ARF4: variants seen among roughly 807,000 people sequenced by gnomAD.
The protein encoded by ARF4 is ARF GTPase 4, also known as ADP-ribosylation factor 4.
Under a neutral mutation model 24.3 loss-of-function variants are expected in ARF4, and 5 were observed. The observed-to-expected ratio is 0.21, with a 90% CI of 0.11 to 0.43. ARF4 has a LOEUF of 0.43. Among genes scored for constraint, ARF4 ranks in the 20% least tolerant of loss-of-function variants. The pLI, the probability that ARF4 is intolerant of heterozygous loss-of-function variation, is 1.00. For synonymous variants in ARF4, 62 were observed against 73.5 expected (o/e 0.84, Z 0.80); for missense variants, 107 against 213.0 (o/e 0.50, Z 3.10).
intron 5 of ARF4, among the ~76,000 whole-genome samples, chr3:57,575,132 G>A (rs531865073): frequency 6.7e-6 from 1 of 149,150 alleles, no homozygotes; most frequent in Non-Finnish European, 1.5e-5. Flanking sequence ...TTACAGGCAT[G>A]AGCCACCGCA....
At chr3:57,586,128 C>T (rs1475336424) in intron 1 of ARF4, among the ~76,000 whole-genome samples, 2 of 152,168 alleles carry the variant, frequency 1.3e-5, no homozygotes, top group Non-Finnish European at 1.5e-5. Flanking sequence ...CCTGAATATT[C>T]TGCAGTGTTT....
intron 3 of ARF4, among the ~76,000 whole-genome samples, chr3:57,579,789 A>C (rs568673876): frequency 6.6e-6 from 1 of 152,218 alleles, no homozygotes; most frequent in South Asian, 2.1e-4. Context: ...CACCTGGAAA[A>C]CCATCACTTT....
In ARF4 at chr3:57,584,472, A is replaced by G. The variant is rs1330555866; in HGVS notation, c.68-8T>C. 6.2e-7 allele frequency: 1 copy of G among 1,608,200 alleles called. No individual in the cohort carries two copies. Among genetic ancestry groups the G allele is most frequent in the South Asian group, 1.1e-5 (1 of 90,606 alleles). The stretch of plus-strand genomic sequence containing the variant: ...CAGCAGCATCCAATCCAACTAGAAG[A>G]AGACATTATAGATTTAAAATCCAGA... On this transcript the variant is annotated splice_region_variant and splice_polypyrimidine_tract_variant and intron_variant, in intron 1 of 5. Coordinates refer to ENST00000303436, the MANE Select transcript of ARF4 (RefSeq NM_001660.4).
chr3:57,584,363 G>C (rs373000414), intron 2 of ARF4, 21 bp downstream of exon 2: 208 of 1,551,634 alleles, frequency 1.3e-4, no homozygotes, highest in Non-Finnish European at 1.7e-4. Context: ...ATGATATAAA[G>C]TCATCTGTAA....
Position 57,577,383 on chromosome 3 carries a change from A to G in ARF4, c.263T>C (p.Leu88Pro), listed in dbSNP as rs1283496925. Residue 88 changes from leucine to proline, a missense_variant, in exon 4 of 6, where the codon CTT becomes CCT. Coordinates refer to ENST00000303436, the MANE Select transcript of ARF4 (RefSeq NM_001660.4). Reference sequence around the variant, plus strand: ...ATCGTTGCTATCTACCACAAAAATAAGACCCTGGGGAAAAATTGTTTCAGT... The same window carrying G: ...ATCGTTGCTATCTACCACAAAAATAGGACCCTGGGGAAAAATTGTTTCAGT... ...WKHYFQNTQG[L>P]IFVVDSNDRE... 1 of 1,607,996 alleles carries G rather than the reference A, an allele frequency of 6.2e-7. No individual in the cohort carries two copies. The highest frequency in any genetic ancestry group is 1.3e-5 in the African/African-American group (1 of 74,746).
intron 5 of ARF4, among the ~76,000 whole-genome samples, chr3:57,575,112 A>C (rs2069887946): frequency 6.7e-6 from 1 of 150,292 alleles, no homozygotes; most frequent in African/African-American, 2.4e-5. Flanking sequence ...GGCCTCCCAA[A>C]GTGTTGGGAT....
At chr3:57,579,744 T>TAA (rs1375669281) in intron 3 of ARF4, among the ~76,000 whole-genome samples, 1 of 152,174 alleles carries the variant, frequency 6.6e-6, no homozygotes, top group Non-Finnish European at 1.5e-5. Flanking sequence ...AACCATAACT[T>TAA]AATTTTTAAA....
rs73834709 is a variant in ARF4 at position 57,588,091 on chromosome 3, G to A, written c.68-3627C>T. Among the ~76,000 whole-genome samples the A allele has an allele frequency of 1.5e-3, 227 of 152,234 alleles. 2 individuals are homozygous for A. Among genetic ancestry groups the A allele is most frequent in the African/African-American group, 5.3e-3 (221 of 41,546 alleles). ...TGGCAATGAAATTTCTCCACAAAAT[G>A]AAAACTATTACCAATTTTCAACTAG... is the stretch of plus-strand genomic sequence containing the variant. On this transcript the variant is annotated intron_variant, in intron 1 of 5. Transcript: ENST00000303436.
At chr3:57,577,182 A>T (rs1490887636) in intron 4 of ARF4, 134 bp downstream of exon 4, 4 of 728,672 alleles carry the variant, frequency 5.5e-6, no homozygotes, top group South Asian at 1.8e-5. Context: ...TGGATAATAT[A>T]GTTTCTTAAG....
intron 1 of ARF4, among the ~76,000 whole-genome samples, chr3:57,595,809 G>C (rs2070174382): frequency 6.6e-6 from 1 of 151,898 alleles, no homozygotes; most frequent in Non-Finnish European, 1.5e-5. Context: ...AAATTAGCCA[G>C]GCGTGGTGTT....
chr3:57,592,200 A>G (rs2070124087), intron 1 of ARF4, among the ~76,000 whole-genome samples: 2 of 152,212 alleles, frequency 1.3e-5, no homozygotes, highest in East Asian at 1.9e-4. Context: ...CTGTATCTTA[A>G]TATTTTGGCC....
Position 57,584,385 on chromosome 3 carries a change from A to G in ARF4, c.147T>C (p.Ile49=), listed in dbSNP as rs1361656934. ...LGEIVTTIPT[I]GFNVETVEYK... ...AAAGTCATCTGTAAACTTTCTTACC[A>G]ATGGTAGGAATGGTGGTGACTATCT... The change falls in exon 2 of 6, where the codon ATT becomes ATC. Residue 49 remains isoleucine (I), a splice_region_variant and synonymous_variant. Coordinates refer to ENST00000303436, the MANE Select transcript of ARF4 (RefSeq NM_001660.4). 1 of 1,606,234 alleles carries G rather than the reference A, an allele frequency of 6.2e-7. No individual in the cohort carries two copies. The highest frequency in any genetic ancestry group is 8.5e-7 in the Non-Finnish European group (1 of 1,173,282).
At chr3:57,581,552 G>A (rs1023122633) in intron 3 of ARF4, among the ~76,000 whole-genome samples, 4 of 152,180 alleles carry the variant, frequency 2.6e-5, no homozygotes, top group African/African-American at 9.7e-5. Context: ...TGTAATCCCA[G>A]CACTTTGGGA....
intron 3 of ARF4, among the ~76,000 whole-genome samples, chr3:57,583,684 A>G (rs1484253849): frequency 6.6e-6 from 1 of 152,156 alleles, no homozygotes; most frequent in African/African-American, 2.4e-5. Context: ...CCCATCTTCC[A>G]AACACTTACC....
chr3:57,597,141 G>A lies in ARF4; in HGVS notation c.-1C>T. 6.2e-7 allele frequency: 1 copy of A among 1,613,858 alleles called. No homozygotes were observed. Among genetic ancestry groups the A allele is most frequent in the Non-Finnish European group, 8.5e-7 (1 of 1,179,746 alleles). ...AGAGGGAGGAGATAGTGAGGCCCAT[G>A]GCGGTAGTGGCACTTGTGATGGGCA... On this transcript the variant is annotated 5_prime_UTR_variant, in exon 1 of 6. Transcript: ENST00000303436.
In ARF4 at chr3:57,595,225, A is replaced by C. The variant is rs140799963; in HGVS notation, c.67+1849T>G. On this transcript the variant is annotated intron_variant, in intron 1 of 5. Transcript: ENST00000303436. Reference sequence around the variant, plus strand: ...CCCTCTGATACTTTCATCAATCACAAAAGACTAAGGAATTGAAAAATAGCA... The same window carrying C: ...CCCTCTGATACTTTCATCAATCACACAAGACTAAGGAATTGAAAAATAGCA... 9.1e-4 allele frequency among the ~76,000 whole-genome samples: 138 copies of C among 152,334 alleles called. 1 individual carries two copies. Among genetic ancestry groups the C allele is most frequent in the Middle Eastern group, 3.4e-3 (1 of 294 alleles).
In ARF4 at chr3:57,593,674, C is replaced by A. The variant is rs189446184; in HGVS notation, c.67+3400G>T. ...ACACATTAGTATTTTTGGATATATA[C>A]ATAATTTAAGGATTCACTTAACAAC... is the stretch of plus-strand genomic sequence containing the variant. On this transcript the variant is annotated intron_variant, in intron 1 of 5. Transcript: ENST00000303436. Among the ~76,000 whole-genome samples, 18 of 152,280 alleles carry A rather than the reference C, an allele frequency of 1.2e-4. No individual in the cohort carries two copies. The East Asian group carries it at 3.3e-3, about 28-fold the overall frequency.
At position 57,577,357 on chromosome 3, in the gene ARF4, G is replaced by T. The variant is rs2069918463; in HGVS notation, c.289C>A (p.Arg97Ser). ...TCTGCTACTTCCTGAATTCTTTCAC[G>T]ATCGTTGCTATCTACCACAAAAATA... ...GLIFVVDSND[R>S]ERIQEVADEL... Residue 97 changes from arginine to serine, a missense_variant, in exon 4 of 6, where the codon CGT (arginine) becomes AGT (serine). Transcript: ENST00000303436. 1.2e-6 allele frequency: 2 copies of T among 1,613,346 alleles called. No individual in the cohort carries two copies. Among genetic ancestry groups the T allele is most frequent in the Admixed American group, 1.7e-5 (1 of 59,898 alleles).
intron 1 of ARF4, among the ~76,000 whole-genome samples, chr3:57,592,686 A>G (rs534297057): frequency 6.6e-6 from 1 of 152,290 alleles, no homozygotes; most frequent in East Asian, 1.9e-4. Context: ...AAAAGGGTGC[A>G]TCTAAGGATG....
Sources: gnomAD v4.1 joint callset for allele counts (sites outside exome capture counted in the v4.1 genomes callset) on GRCh38, gnomAD v4.1.1 for gene constraint, MANE v1.5 for transcripts, NCBI Gene and HGNC (gene_info 2026-07-23, HGNC 2026-07-21) for gene names.